UBR4: variants seen among roughly 807,000 people sequenced by gnomAD.
UBR4 encodes ubiquitin protein ligase E3 component n-recognin 4, also known as E3 ubiquitin-protein ligase UBR4.
UBR4 carries 124 observed loss-of-function variants against 575.6 expected under a neutral mutation model. The observed-to-expected ratio is 0.22, with a 90% CI of 0.19 to 0.25. The LOEUF is 0.25. Among genes scored for constraint, UBR4 ranks in the 10% least tolerant of loss-of-function variants. UBR4 has a pLI of 1.00. For missense variants in UBR4, 4,818 were observed against 6,478.8 expected (o/e 0.74, Z 8.80); for synonymous variants, 2,455 against 2,473.7 (o/e 0.99, Z 0.22).
chr1:19,173,418 T>C (rs779633225), intron 23 of UBR4, 21 bp downstream of exon 23: 248 of 1,613,906 alleles, frequency 1.5e-4, no homozygotes, highest in Non-Finnish European at 1.9e-4. Flanking sequence ...TGAATAGTCT[T>C]AGCAGCAAGC....
rs949364162 is a variant in UBR4, at chr1:19,113,926, C to T, written c.11328+19G>A. The T allele has an allele frequency of 6.2e-7, 1 of 1,614,224 alleles. No homozygotes were observed. On this transcript the variant is annotated intron_variant, in intron 76 of 105. Coordinates refer to ENST00000375254, the MANE Select transcript of UBR4 (RefSeq NM_020765.3). Reference sequence around the variant, plus strand: ...AGACCCAAGCCCTTATCCAAATGCCCTTTGCAGCGTGGGACTACCTGTGGC... The same window carrying T: ...AGACCCAAGCCCTTATCCAAATGCCTTTTGCAGCGTGGGACTACCTGTGGC...
In UBR4 at chr1:19,185,146, G is replaced by C; in HGVS notation, c.1891C>G (p.Pro631Ala). The C allele has an allele frequency of 6.2e-7, 1 of 1,614,104 alleles. No individual in the cohort carries two copies. The highest frequency in any genetic ancestry group is 1.7e-5 in the Admixed American group (1 of 60,014). ...PRVKSPSKQA[P>A]GEKGNILASR... Reference sequence around the variant, plus strand: ...GCCAGAATGTTGCCCTTCTCACCAGGGGCCTGCTTACTGGGGCTTTTAACC... The same window carrying C: ...GCCAGAATGTTGCCCTTCTCACCAGCGGCCTGCTTACTGGGGCTTTTAACC... The change falls in exon 15 of 106, where the codon CCT becomes GCT. Residue 631 changes from proline (P) to alanine (A), a missense_variant. Around this residue, in one of 29 missense-constraint regions of UBR4, gnomAD observed 1,172 missense variants for 1,259.7 expected, o/e 0.93. Transcript: ENST00000375254.
Position 19,139,187 on chromosome 1 carries a change from G to C in UBR4, c.8627C>G (p.Ala2876Gly). The C allele has an allele frequency of 1.9e-6, 3 of 1,613,716 alleles. No individual in the cohort carries two copies. Among genetic ancestry groups the C allele is most frequent in the Non-Finnish European group, 2.5e-6 (3 of 1,179,760 alleles). The change falls in exon 59 of 106, where the codon GCG becomes GGG. Residue 2876 changes from alanine to glycine, a missense_variant. By Grantham distance (60) the Ala-to-Gly change is moderately conservative. Transcript: ENST00000375254. The surrounding 1 kb of genome is among the most constrained non-coding windows in gnomAD (Gnocchi z 4.2). ...GGTCCGAAGGGTAGAACCATCTGTC[G>C]CTGCTGTACTGCCCTCGTCGTCTGA... is the stretch of plus-strand genomic sequence containing the variant. Reference protein sequence around the residue: ...PASDDEGSTAATDGSTLRTSP... With the variant: ...PASDDEGSTAGTDGSTLRTSP...
chr1:19,124,812 C>A, intron 64 of UBR4, 122 bp from the exon 65 acceptor site: 1 of 1,308,144 alleles, frequency 7.6e-7, no homozygotes. Context: ...CCTTTCAGAG[C>A]TGGAATCAAG....
Position 19,121,361 on chromosome 1 carries a change from G to C in UBR4, c.9969C>G (p.Leu3323=). 2 of 1,614,128 alleles carry C rather than the reference G, an allele frequency of 1.2e-6. No homozygotes were observed. Among genetic ancestry groups the C allele is most frequent in the East Asian group, 2.2e-5 (1 of 44,862 alleles). The change falls in exon 68 of 106, where the codon CTC becomes CTG. Residue 3323 remains leucine, a synonymous_variant. Transcript: ENST00000375254. ...CCTTGCTGCCGCACAGAGCACAGGA[G>C]AGCAGTTGCAGCAGCACTGGGGACA... ...EGVSPVLLQL[L]SCALCGSKVL...
At chr1:19,121,570 T>G in intron 67 of UBR4, 136 bp from the exon 68 acceptor site, 1 of 1,176,072 alleles carries the variant, frequency 8.5e-7, no homozygotes, top group Non-Finnish European at 1.2e-6. Flanking sequence ...CTGCTGGACA[T>G]TGTGAAGAAG....
Position 19,119,573 on chromosome 1 carries a change from G to A in UBR4, c.10439C>T (p.Pro3480Leu), listed in dbSNP as rs764546947. Residue 3480 changes from proline (P) to leucine (L), a missense_variant, in exon 70 of 106, where the codon CCA (proline) becomes CTA (leucine). Pro to Leu is a moderately conservative substitution (Grantham distance 98). This residue lies in a region of UBR4 where 550 missense variants were observed against 791.5 expected (regional missense o/e 0.69). Transcript: ENST00000375254. ...AACTGTTACCTTCTTCTCTGTTTGT[G>A]GAGTTTTCAGGGAGAAATATCCTAG... is the stretch of plus-strand genomic sequence containing the variant. Reference protein sequence around the residue: ...DLLGYFSLKTPQTEKKLKEYS... With the variant: ...DLLGYFSLKTLQTEKKLKEYS... 19 of 1,613,408 alleles carry A rather than the reference G, an allele frequency of 1.2e-5. No homozygotes were observed. The highest frequency in any genetic ancestry group is 2.7e-5 in the African/African-American group (2 of 74,920).
At chr1:19,176,776 C>T in intron 19 of UBR4, 49 bp from the exon 20 acceptor site, 2 of 1,596,322 alleles carry the variant, frequency 1.3e-6, no homozygotes, top group Non-Finnish European at 1.7e-6. Flanking sequence ...AGTCACCATT[C>T]AGCTTTTCAC....
chr1:19,181,982 C>T (rs574790043), intron 17 of UBR4, among the ~76,000 whole-genome samples: 1 of 152,288 alleles, frequency 6.6e-6, no homozygotes, highest in South Asian at 2.1e-4. Context: ...CCCTGCCCCA[C>T]GCGACCACCA....
chr1:19,115,229 ACTCT>A (rs370299174), intron 74 of UBR4, among the ~76,000 whole-genome samples, 165 bp downstream of exon 74: 19,835 of 150,200 alleles, frequency 0.13, 1,597 homozygotes, highest in Middle Eastern at 0.23. Flanking sequence ...ACACTCACTC[ACTCT>A]CTCTTCTTCC....
In UBR4 at chr1:19,187,304, G is replaced by A; in HGVS notation, c.1495-3C>T. On this transcript the variant is annotated splice_region_variant and splice_polypyrimidine_tract_variant and intron_variant, in intron 12 of 105. Coordinates refer to ENST00000375254, the MANE Select transcript of UBR4 (RefSeq NM_020765.3). ...GGGGGGCCATCTGTCTCCCAACCCT[G>A]AAGGCAATGATATCAAAGGGCAATT... 6.2e-7 allele frequency: 1 copy of A among 1,612,454 alleles called. No homozygotes were observed. Among genetic ancestry groups the A allele is most frequent in the Non-Finnish European group, 8.5e-7 (1 of 1,178,810 alleles).
chr1:19,144,658 A>G (rs2084594767), intron 54 of UBR4, 128 bp downstream of exon 54: 2 of 1,319,948 alleles, frequency 1.5e-6, no homozygotes, highest in African/African-American at 1.5e-5. Context: ...GCTTTTATTG[A>G]TATTTGAAAC....
intron 54 of UBR4, 139 bp downstream of exon 54, chr1:19,144,647 A>C: frequency 8.0e-7 from 1 of 1,246,710 alleles, no homozygotes; most frequent in Non-Finnish European, 1.1e-6. Flanking sequence ...AAGATCTTAA[A>C]GCTTTTATTG....
Position 19,177,543 on chromosome 1 carries a change from G to A in UBR4, c.2555C>T (p.Pro852Leu). 2 of 1,613,988 alleles carry A rather than the reference G, an allele frequency of 1.2e-6. No homozygotes were observed. The highest frequency in any genetic ancestry group is 1.7e-6 in the Non-Finnish European group (2 of 1,180,004). Residue 852 changes from proline to leucine, a missense_variant, in exon 19 of 106, where the codon CCG becomes CTG. This residue lies in a region of UBR4 where 1,172 missense variants were observed against 1,259.7 expected (regional missense o/e 0.93). Transcript: ENST00000375254. ...GAGAAGGAGGCGAGCCAAGATAAGCGGCACGAAGCGCATCTGAGCATCCAT... is the reference window on the plus strand; with the variant it reads ...GAGAAGGAGGCGAGCCAAGATAAGCAGCACGAAGCGCATCTGAGCATCCAT... Reference protein sequence around the residue: ...VNMDAQMRFVPLILARLLLIF... With the variant: ...VNMDAQMRFVLLILARLLLIF...
In UBR4 at chr1:19,110,060, T is replaced by C. The variant is rs749529283; in HGVS notation, c.12105+36A>G. The C allele has an allele frequency of 2.7e-5, 44 of 1,612,554 alleles. No homozygotes were observed. In the South Asian group the frequency reaches 4.7e-4, roughly 17 times the overall value. ...CAGGGAATGAGGAGGGTGGCCGCCC[T>C]GCCCTTCCTTGTTAGACCCCTGCTT... On this transcript the variant is annotated intron_variant, in intron 81 of 105. Coordinates refer to ENST00000375254, the MANE Select transcript of UBR4 (RefSeq NM_020765.3). This position sits in a 1 kb window ranked among gnomAD's most constrained non-coding sequence, Gnocchi z 4.5.
chr1:19,146,745 CCAGTAAGAA>C, intron 52 of UBR4, 72 bp downstream of exon 52: 1 of 1,507,126 alleles, frequency 6.6e-7, no homozygotes, highest in Non-Finnish European at 8.9e-7. Flanking sequence ...CAGTCAGAGG[CCAGTAAGAA>C]CAGTAAGAAT....
intron 77 of UBR4, 82 bp from the exon 78 acceptor site, chr1:19,112,949 A>G (rs1451660947): frequency 2.1e-6 from 3 of 1,442,356 alleles, no homozygotes; most frequent in African/African-American, 2.8e-5. Flanking sequence ...GTTTTGCTTT[A>G]GAAAAAACTT....
intron 103 of UBR4, chr1:19,080,315 T>G (rs1296408156): frequency 6.6e-6 from 1 of 152,180 alleles, no homozygotes; most frequent in African/African-American, 2.4e-5. Flanking sequence ...ACAGGCCAGA[T>G]TCAACAGGAC....
chr1:19,193,309 T>A, intron 9 of UBR4, 124 bp downstream of exon 9: 1 of 1,347,736 alleles, frequency 7.4e-7, no homozygotes, highest in Admixed American at 2.1e-5. Flanking sequence ...GACCTACTAG[T>A]GCCCAGGGAA....
Sources: allele counts gnomAD v4.1 joint callset (sites outside exome capture counted in the v4.1 genomes callset), GRCh38; gene constraint gnomAD v4.1.1; regional missense constraint gnomAD v4.1.1; non-coding constraint Gnocchi (gnomAD v3.1); transcripts MANE v1.5; gene names NCBI Gene and HGNC (gene_info 2026-07-23, HGNC 2026-07-21).